RIC1: variants seen among roughly 807,000 people sequenced by gnomAD.
The protein encoded by RIC1 is guanine nucleotide exchange factor subunit RIC1.
RIC1 carries 88 observed loss-of-function variants against 169.0 expected under a neutral mutation model. That is an observed-to-expected ratio of 0.52 (90% CI 0.44 to 0.62). The LOEUF (loss-of-function observed/expected upper bound fraction) is 0.62, where lower values mean the gene tolerates loss of function less well. RIC1 is among the 20% of genes least tolerant of loss of function. The pLI is 0.00. For synonymous variants in RIC1, 790 were observed against 601.5 expected, an observed-to-expected ratio of 1.31 and a Z score of -4.59; for missense variants, 1,877 against 1,725.5, an observed-to-expected ratio of 1.09 and a Z score of -1.56.
chr9:5,675,706 A>G (rs1347635837), intron 2 of RIC1, among the ~76,000 whole-genome samples: 3 of 152,148 alleles, frequency 2.0e-5, no homozygotes, highest in East Asian at 1.9e-4. Context: ...TAGGGGGGAA[A>G]AATGTACATA....
In RIC1 at chr9:5,633,444, T is replaced by G. The variant is rs533636317; in HGVS notation, c.144+3991T>G. Among the ~76,000 whole-genome samples, 5 of 152,298 alleles carry G rather than the reference T, an allele frequency of 3.3e-5. No homozygotes were observed. The South Asian group carries it at 1.0e-3, about 32-fold the overall frequency. On this transcript the variant is annotated intron_variant, in intron 1 of 25. Transcript: ENST00000414202. ...ACACTCCCTTCTTGGAATGCTCTCT[T>G]GCCTCATTTCTGCCTGTCAGAGTAT...
At chr9:5,713,750 T>A (rs1040260897) in intron 3 of RIC1, 146 bp from the exon 4 acceptor site, 3 of 511,706 alleles carry the variant, frequency 5.9e-6, no homozygotes, top group Admixed American at 3.5e-5. Flanking sequence ...TAATAGAATT[T>A]AAGTCTGTTT....
intron 1 of RIC1, among the ~76,000 whole-genome samples, chr9:5,635,097 C>A (rs1444875558): frequency 1.3e-5 from 2 of 152,138 alleles, no homozygotes; most frequent in African/African-American, 2.4e-5. Flanking sequence ...AAGCAATTCT[C>A]CCACCTTAGC....
intron 17 of RIC1, among the ~76,000 whole-genome samples, chr9:5,761,033 C>T (rs138579519): frequency 4.6e-5 from 7 of 151,566 alleles, no homozygotes; most frequent in East Asian, 3.9e-4. Context: ...GGTGATGGCC[C>T]GCTGCTCTTT....
At chr9:5,655,201 ATCT>A (rs1248346779) in intron 1 of RIC1, among the ~76,000 whole-genome samples, 1 of 152,134 alleles carries the variant, frequency 6.6e-6, no homozygotes, top group Admixed American at 6.5e-5. Context: ...TTTCTCATAG[ATCT>A]TCTTTATCAC....
At chr9:5,641,037 A>G (rs896391789) in intron 1 of RIC1, among the ~76,000 whole-genome samples, 3 of 147,588 alleles carry the variant, frequency 2.0e-5, no homozygotes, top group Non-Finnish European at 3.0e-5. Flanking sequence ...ATCTTTCTTT[A>G]TCCTTGATAA....
chr9:5,629,682 C>T (rs573951816), intron 1 of RIC1, among the ~76,000 whole-genome samples: 1 of 152,178 alleles, frequency 6.6e-6, no homozygotes, highest in East Asian at 1.9e-4. Context: ...GCCGAAAATC[C>T]CTGAGCCTCC....
At chr9:5,711,420 A>G (rs1822918549) in intron 3 of RIC1, among the ~76,000 whole-genome samples, 1 of 152,176 alleles carries the variant, frequency 6.6e-6, no homozygotes, top group Non-Finnish European at 1.5e-5. Context: ...CAATATTATT[A>G]CCCAACAGAA....
chr9:5,721,114 TC>T (rs1823560852), intron 6 of RIC1, among the ~76,000 whole-genome samples: 1 of 152,226 alleles, frequency 6.6e-6, no homozygotes, highest in Non-Finnish European at 1.5e-5. Context: ...ACCATTTACT[TC>T]CCTCTTCCCT....
In RIC1 at chr9:5,769,168, G is replaced by A. The variant is rs1827017616; in HGVS notation, c.3336G>A (p.Lys1112=). 1 of 1,614,126 alleles carries A rather than the reference G, an allele frequency of 6.2e-7. No individual in the cohort carries two copies. The highest frequency in any genetic ancestry group is 8.5e-7 in the Non-Finnish European group (1 of 1,179,998). Residue 1112 remains lysine, a synonymous_variant, in exon 22 of 26, where the codon AAG becomes AAA. Coordinates refer to ENST00000414202, the MANE Select transcript of RIC1 (RefSeq NM_020829.4). ...ARVDNFVIAL[K]RLHKDFLWPL... ...TAGACAACTTTGTAATAGCCCTGAA[G>A]AGACTCCACAAAGATTTCCTGTGGC...
At chr9:5,679,236 A>C (rs922710155) in intron 2 of RIC1, among the ~76,000 whole-genome samples, 10 of 152,284 alleles carry the variant, frequency 6.6e-5, no homozygotes, top group African/African-American at 2.4e-4. Flanking sequence ...TGTTTTGGTT[A>C]CTATAGCCTT....
rs182270270 is a variant in RIC1, at chr9:5,757,784, C to T, written c.1992+333C>T. 2.6e-3 allele frequency among the ~76,000 whole-genome samples: 400 copies of T among 152,074 alleles called. 2 individuals are homozygous for T. Among genetic ancestry groups the T allele is most frequent in the African/African-American group, 9.2e-3 (381 of 41,452 alleles). On this transcript the variant is annotated intron_variant, in intron 17 of 25. Transcript: ENST00000414202. ...ACTAGGAGAATAAGTAGAAATTATC[C>T]AAGTTAAGAGGGGATGGATTTTCAG...
intron 3 of RIC1, among the ~76,000 whole-genome samples, chr9:5,697,110 G>A (rs796319461): frequency 2.0e-5 from 3 of 152,308 alleles, no homozygotes; most frequent in African/African-American, 7.2e-5. Context: ...ATAGTATTCA[G>A]TAAGACTCGG....
chr9:5,749,349 G>A (rs1825584689), intron 12 of RIC1, among the ~76,000 whole-genome samples: 2 of 152,316 alleles, frequency 1.3e-5, no homozygotes, highest in South Asian at 2.1e-4. Flanking sequence ...TGGTGGCGGT[G>A]TATAGGGCAG....
intron 7 of RIC1, among the ~76,000 whole-genome samples, chr9:5,733,905 C>T (rs933455664): frequency 6.6e-6 from 1 of 151,396 alleles, no homozygotes; most frequent in Admixed American, 6.6e-5. Flanking sequence ...TTTGTCTTCT[C>T]TATTCATCTT....
intron 2 of RIC1, among the ~76,000 whole-genome samples, chr9:5,665,774 C>T (rs1819716296): frequency 6.6e-6 from 1 of 152,132 alleles, no homozygotes; most frequent in Non-Finnish European, 1.5e-5. Flanking sequence ...CCAGGGAGGG[C>T]TGCAAAACAG....
chr9:5,708,393 G>A (rs962276569), intron 3 of RIC1, among the ~76,000 whole-genome samples: 2 of 151,948 alleles, frequency 1.3e-5, no homozygotes, highest in African/African-American at 4.8e-5. Flanking sequence ...TTCTTACATG[G>A]GTTTGAGTTA....
intron 2 of RIC1, among the ~76,000 whole-genome samples, chr9:5,678,720 G>A (rs1300345582): frequency 6.6e-6 from 1 of 152,134 alleles, no homozygotes; most frequent in Non-Finnish European, 1.5e-5. Context: ...ATTTGTTTGA[G>A]TTCATTGTAG....
rs756961310 is a variant in RIC1 at position 5,774,144 on chromosome 9, A to T, written c.4170A>T (p.Glu1390Asp). Residue 1390 changes from glutamate to aspartate, a missense_variant, in exon 26 of 26, where the codon GAA becomes GAT. Transcript: ENST00000414202. The part of the protein sequence containing the change: ...SSSHGSIPQG[E>D]VGSSNMVSRK... ...GCCATGGAAGCATCCCCCAGGGTGA[A>T]GTTGGAAGCAGCAATATGGTCAGCC... 6.2e-7 allele frequency: 1 copy of T among 1,614,038 alleles called. No individual in the cohort carries two copies. Among genetic ancestry groups the T allele is most frequent in the Non-Finnish European group, 8.5e-7 (1 of 1,179,982 alleles).
Sources: gnomAD v4.1 joint callset for allele counts (sites outside exome capture counted in the v4.1 genomes callset) on GRCh38, gnomAD v4.1.1 for gene constraint, MANE v1.5 for transcripts, NCBI Gene and HGNC (gene_info 2026-07-23, HGNC 2026-07-21) for gene names.